Variants in ZNF644 observed in about 807,000 individuals in gnomAD.
ZNF644 encodes the protein zinc finger motif enhancer binding protein 2.
A neutral mutation model predicts 108.0 loss-of-function variants in ZNF644; 20 were observed. That is an observed-to-expected ratio of 0.19 (90% CI 0.13 to 0.27). The LOEUF is 0.27. ZNF644 is among the 10% of genes least tolerant of loss of function. The pLI, the probability that ZNF644 is intolerant of heterozygous loss-of-function variation, is 1.00. For missense variants in ZNF644, 1,338 were observed against 1,548.9 expected, an observed-to-expected ratio of 0.86 and a Z score of 2.29; for synonymous variants, 542 against 539.1, an observed-to-expected ratio of 1.01 and a Z score of -0.08.
Position 90,937,698 on chromosome 1 carries a change from C to G in ZNF644, c.3475G>C (p.Glu1159Gln), listed in dbSNP as rs757334850. 5.0e-6 allele frequency: 8 copies of G among 1,613,744 alleles called. No individual in the cohort carries two copies. The highest frequency in any genetic ancestry group is 1.3e-5 in the African/African-American group (1 of 74,872). ...FLNEYDETKP[E>Q]LPSGKKNQSL... The stretch of plus-strand genomic sequence containing the variant: ...TGATTCTTTTTCCCACTGGGCAGTT[C>G]TGGTTTTGTTTCATCATATTCATTT... Residue 1159 changes from glutamate (E) to glutamine (Q), a missense_variant, in exon 4 of 6, where the codon GAA becomes CAA. Glu to Gln is a conservative substitution (Grantham distance 29, BLOSUM62 2). Transcript: ENST00000337393.
chr1:90,958,939 C>CA (rs1006190264), intron 2 of ZNF644, among the ~76,000 whole-genome samples: 9 of 84,564 alleles, frequency 1.1e-4, no homozygotes, highest in East Asian at 4.6e-4. Context: ...GCACGAACAG[C>CA]AAAAAACAAA....
rs771791926 is a variant in ZNF644 at position 90,938,283 on chromosome 1, C to T, written c.3071G>A (p.Arg1024Gln). 3.1e-6 allele frequency: 5 copies of T among 1,613,834 alleles called. No individual in the cohort carries two copies. The highest frequency in any genetic ancestry group is 4.2e-6 in the Non-Finnish European group (5 of 1,179,878). The change falls in exon 3 of 6, where the codon CGA becomes CAA. Residue 1024 changes from arginine to glutamine, a missense_variant. Arg to Gln is a conservative substitution (Grantham distance 43, BLOSUM62 1). This residue lies in a region of ZNF644 where 287 missense variants were observed against 310.9 expected (regional missense o/e 0.92). Transcript: ENST00000337393. The surrounding 1 kb of genome is among the most constrained non-coding windows in gnomAD (Gnocchi z 4.2). The part of the protein sequence containing the change: ...KRTGTGTPVK[R>Q]VRKAIEKSET... ...CATGGAGAACTTACCTTTTCTAACT[C>T]GTTTAACAGGTGTTCCTGTGCCAGT...
chr1:91,006,536 A>G (rs56259033), intron 1 of ZNF644, among the ~76,000 whole-genome samples: 2 of 152,248 alleles, frequency 1.3e-5, no homozygotes, highest in Admixed American at 6.5e-5. Context: ...ACTCACTCCT[A>G]TAAGGCCAAT....
intron 2 of ZNF644, among the ~76,000 whole-genome samples, chr1:90,969,544 G>A (rs992889770): frequency 6.6e-6 from 1 of 152,144 alleles, no homozygotes; most frequent in African/African-American, 2.4e-5. Context: ...TGTGTAGTGT[G>A]ATGTAATCTC....
chr1:90,957,983 T>A (rs1653921001), intron 2 of ZNF644, among the ~76,000 whole-genome samples: 1 of 151,894 alleles, frequency 6.6e-6, no homozygotes, highest in Non-Finnish European at 1.5e-5. Flanking sequence ...CAGCAACGAA[T>A]GATCCAAAAA....
intron 2 of ZNF644, 31 bp downstream of exon 2, chr1:90,982,279 T>G (rs768763325): frequency 1.3e-6 from 2 of 1,568,208 alleles, no homozygotes; most frequent in Admixed American, 3.3e-5. Context: ...TACCTTGATA[T>G]GTACATTTAA....
chr1:90,998,774 C>T (rs1658444367), intron 1 of ZNF644, among the ~76,000 whole-genome samples: 1 of 152,134 alleles, frequency 6.6e-6, no homozygotes, highest in Non-Finnish European at 1.5e-5. Flanking sequence ...AAGTTCAAAC[C>T]CATTGCAAAG....
At chr1:91,013,150 T>A (rs962335768) in intron 1 of ZNF644, among the ~76,000 whole-genome samples, 1 of 152,154 alleles carries the variant, frequency 6.6e-6, no homozygotes, top group African/African-American at 2.4e-5. Flanking sequence ...CTTGGCTTAC[T>A]GCAACCTCCG....
intron 1 of ZNF644, among the ~76,000 whole-genome samples, chr1:91,003,155 A>C (rs1208828201): frequency 1.3e-5 from 2 of 152,298 alleles, no homozygotes; most frequent in African/African-American, 4.8e-5. Context: ...TAGAAATACC[A>C]TTTGACCCAG....
At chr1:91,013,856 G>A (rs987303570) in intron 1 of ZNF644, among the ~76,000 whole-genome samples, 5 of 152,124 alleles carry the variant, frequency 3.3e-5, no homozygotes, top group Non-Finnish European at 5.9e-5. Context: ...GTTCAATCAT[G>A]TTTATATGAT....
At chr1:90,950,290 G>A (rs561264459) in intron 2 of ZNF644, among the ~76,000 whole-genome samples, 2 of 39,534 alleles carry the variant, frequency 5.1e-5, no homozygotes, top group African/African-American at 2.1e-4. Flanking sequence ...GGAAGGGAAG[G>A]GAAGGGGAGG....
chr1:90,996,728 CTA>C (rs1658182308), intron 1 of ZNF644, among the ~76,000 whole-genome samples: 2 of 152,150 alleles, frequency 1.3e-5, no homozygotes, highest in African/African-American at 4.8e-5. Context: ...CTGCAGTGAG[CTA>C]TGACCATGCC....
At chr1:90,935,936 G>C (rs535693183) in intron 4 of ZNF644, among the ~76,000 whole-genome samples, 32 of 152,260 alleles carry the variant, frequency 2.1e-4, no homozygotes, top group African/African-American at 6.7e-4. Flanking sequence ...AGTTGACAAA[G>C]TGGTAATTAA....
intron 1 of ZNF644, among the ~76,000 whole-genome samples, chr1:91,014,011 T>C (rs1392978082): frequency 6.6e-6 from 1 of 152,228 alleles, no homozygotes; most frequent in Non-Finnish European, 1.5e-5. Context: ...TGCTGACCTA[T>C]ACAATCTATT....
At chr1:91,008,493 A>C (rs1365313171) in intron 1 of ZNF644, among the ~76,000 whole-genome samples, 1 of 152,218 alleles carries the variant, frequency 6.6e-6, no homozygotes, top group African/African-American at 2.4e-5. Flanking sequence ...TAAAAAAGCA[A>C]CTACTTAAGC....
intron 4 of ZNF644, among the ~76,000 whole-genome samples, chr1:90,928,773 T>TGC (rs1650377519): frequency 6.6e-6 from 1 of 152,300 alleles, no homozygotes; most frequent in Non-Finnish European, 1.5e-5. Flanking sequence ...TCCTGACACT[T>TGC]GAAGTCCAAA....
At chr1:90,999,682 T>G (rs1658554553) in intron 1 of ZNF644, among the ~76,000 whole-genome samples, 1 of 152,124 alleles carries the variant, frequency 6.6e-6, no homozygotes, top group Admixed American at 6.5e-5. Context: ...AACTCGCACA[T>G]AACAATATTA....
intron 1 of ZNF644, among the ~76,000 whole-genome samples, chr1:91,011,015 G>T (rs999657605): frequency 6.6e-6 from 1 of 152,076 alleles, no homozygotes; most frequent in African/African-American, 2.4e-5. Flanking sequence ...CTATAATTAA[G>T]AACATTCTAA....
At chr1:90,957,293 C>T (rs1653844829) in intron 2 of ZNF644, among the ~76,000 whole-genome samples, 1 of 152,142 alleles carries the variant, frequency 6.6e-6, no homozygotes, top group Non-Finnish European at 1.5e-5. Context: ...ACATTCTAAG[C>T]AGCCAGCATT....
Sources: allele counts gnomAD v4.1 joint callset (sites outside exome capture counted in the v4.1 genomes callset), GRCh38; gene constraint gnomAD v4.1.1; regional missense constraint gnomAD v4.1.1; non-coding constraint Gnocchi (gnomAD v3.1); transcripts MANE v1.5; gene names NCBI Gene and HGNC (gene_info 2026-07-23, HGNC 2026-07-21).